Variants in UNC5C observed in about 807,000 individuals in gnomAD.
UNC5C encodes the protein netrin receptor UNC5C.
UNC5C carries 47 observed loss-of-function variants against 99.8 expected under a neutral mutation model. The observed-to-expected ratio is 0.47, with a 90% CI of 0.37 to 0.60. UNC5C has a LOEUF of 0.60. Ranked by LOEUF, UNC5C falls within the 20% of genes least tolerant of loss-of-function variation. The pLI is 0.00. For missense variants in UNC5C, 1,062 were observed against 1,165.9 expected (o/e 0.91, Z 1.30); for synonymous variants, 487 against 452.2 (o/e 1.08, Z -0.98).
chr4:95,378,722 G>C (rs1339424691), intron 1 of UNC5C, among the ~76,000 whole-genome samples: 1 of 151,976 alleles, frequency 6.6e-6, no homozygotes, highest in African/African-American at 2.4e-5. Flanking sequence ...GCAAGCATGT[G>C]GTTTTAAAAT....
chr4:95,496,184 G>T (rs1341426639), intron 1 of UNC5C, among the ~76,000 whole-genome samples: 1 of 151,764 alleles, frequency 6.6e-6, no homozygotes, highest in Non-Finnish European at 1.5e-5. Context: ...TGTTCTGACA[G>T]TGTATATAGT....
chr4:95,318,384 G>A (rs1742558634), intron 2 of UNC5C, among the ~76,000 whole-genome samples: 1 of 152,072 alleles, frequency 6.6e-6, no homozygotes, highest in Non-Finnish European at 1.5e-5. Flanking sequence ...CAGCTCTGCT[G>A]GATTTCAGAC....
intron 1 of UNC5C, among the ~76,000 whole-genome samples, chr4:95,474,536 C>T (rs192352134): frequency 6.6e-6 from 1 of 152,028 alleles, no homozygotes; most frequent in East Asian, 1.9e-4. Flanking sequence ...GTGATCTACG[C>T]CTCGGCCTCC....
intron 1 of UNC5C, among the ~76,000 whole-genome samples, chr4:95,447,532 A>T (rs1747140921): frequency 6.6e-6 from 1 of 152,116 alleles, no homozygotes; most frequent in Admixed American, 6.5e-5. Flanking sequence ...ACGAAGTCTC[A>T]CTCTGTCACC....
chr4:95,236,446 G>C (rs1235099356), intron 7 of UNC5C, among the ~76,000 whole-genome samples: 6 of 143,720 alleles, frequency 4.2e-5, no homozygotes, highest in African/African-American at 1.5e-4. Context: ...AGTTGGGGGA[G>C]GGGGGAGGGA....
At chr4:95,197,077 ATT>A (rs1323084230) in intron 12 of UNC5C, among the ~76,000 whole-genome samples, 6 of 118,696 alleles carry the variant, frequency 5.1e-5, no homozygotes, top group African/African-American at 2.1e-4. Context: ...TTTATATTAT[ATT>A]TATGTAATAT....
At chr4:95,293,656 A>T (rs1273295103) in intron 3 of UNC5C, among the ~76,000 whole-genome samples, 1 of 152,040 alleles carries the variant, frequency 6.6e-6, no homozygotes, top group East Asian at 1.9e-4. Context: ...TGTTTTTGTG[A>T]ATTGCCAGCT....
chr4:95,433,877 T>G (rs1182579033), intron 1 of UNC5C, among the ~76,000 whole-genome samples: 2 of 152,018 alleles, frequency 1.3e-5, no homozygotes, highest in African/African-American at 4.8e-5. Flanking sequence ...GCCTTCTCTC[T>G]TTTTCTCACA....
intron 1 of UNC5C, among the ~76,000 whole-genome samples, chr4:95,342,728 G>A (rs747540017): frequency 1.3e-5 from 2 of 152,010 alleles, no homozygotes; most frequent in African/African-American, 2.4e-5. Context: ...AATCCCTTGA[G>A]GTTCCCAATT....
chr4:95,251,738 CTCTAGCA>C (rs1739743798), intron 4 of UNC5C, among the ~76,000 whole-genome samples: 1 of 152,186 alleles, frequency 6.6e-6, no homozygotes, highest in South Asian at 2.1e-4. Context: ...TAAGGAGCTA[CTCTAGCA>C]CCACAAGACG....
chr4:95,432,537 G>T (rs1267797093), intron 1 of UNC5C, among the ~76,000 whole-genome samples: 2 of 151,964 alleles, frequency 1.3e-5, no homozygotes, highest in African/African-American at 4.8e-5. Context: ...ATGAGCAAGT[G>T]ACAATTTACA....
chr4:95,284,453 T>C (rs987486304), intron 3 of UNC5C, among the ~76,000 whole-genome samples: 7 of 152,154 alleles, frequency 4.6e-5, no homozygotes, highest in Admixed American at 3.9e-4. Context: ...AGAGAAATAA[T>C]AGAAGAAATT....
intron 1 of UNC5C, among the ~76,000 whole-genome samples, chr4:95,343,952 G>T (rs1369985938): frequency 6.6e-6 from 1 of 152,054 alleles, no homozygotes; most frequent in Non-Finnish European, 1.5e-5. Flanking sequence ...CTAGCAAATA[G>T]CCTCAAAGGG....
At position 95,245,110 on chromosome 4, in the gene UNC5C, A is replaced by C; in HGVS notation, c.810T>G (p.Ser270=). The part of the protein sequence containing the change: ...NGGWSTWTEW[S]VCNSRCGRGY... ...CTCGTCCACAGCGGCTGTTACACAC[A>C]GACCACTCCGTCCAGGTGGACCAGC... is the stretch of plus-strand genomic sequence containing the variant. Residue 270 remains serine, a synonymous_variant, in exon 6 of 16, where the codon TCT becomes TCG. Transcript: ENST00000453304. 1 of 1,613,594 alleles carries C rather than the reference A, an allele frequency of 6.2e-7. No individual in the cohort carries two copies. Among genetic ancestry groups the C allele is most frequent in the Non-Finnish European group, 8.5e-7 (1 of 1,179,862 alleles).
At chr4:95,350,416 G>T (rs536695753) in intron 1 of UNC5C, among the ~76,000 whole-genome samples, 5 of 152,004 alleles carry the variant, frequency 3.3e-5, no homozygotes, top group Non-Finnish European at 7.4e-5. Flanking sequence ...GAACCCTTGA[G>T]GGGGAGGTTG....
intron 1 of UNC5C, among the ~76,000 whole-genome samples, chr4:95,441,661 G>GAT (rs1219948495): frequency 5.9e-5 from 9 of 151,950 alleles, no homozygotes; most frequent in African/African-American, 2.2e-4. Context: ...TATATACATA[G>GAT]ACACATAATA....
intron 4 of UNC5C, among the ~76,000 whole-genome samples, chr4:95,259,817 G>C (rs1740154634): frequency 6.6e-6 from 1 of 152,020 alleles, no homozygotes; most frequent in Non-Finnish European, 1.5e-5. Context: ...ATAAATGATA[G>C]GCAATTTATA....
chr4:95,182,743 C>T lies in UNC5C; in HGVS notation c.2451+154G>A, dbSNP rs995733245. On this transcript the variant is annotated intron_variant, in intron 14 of 15. Transcript: ENST00000453304. ...TTTTCTGCAGCTAGCTTCCATTGCT[C>T]ATTACAAATATTATTCTATTAACAA... 3.9e-5 allele frequency among the ~76,000 whole-genome samples: 6 copies of T among 152,132 alleles called. No individual in the cohort carries two copies. The East Asian group carries it at 9.7e-4, about 24-fold the overall frequency.
At chr4:95,261,608 G>A (rs1343298751) in intron 4 of UNC5C, among the ~76,000 whole-genome samples, 1 of 152,050 alleles carries the variant, frequency 6.6e-6, no homozygotes, top group Non-Finnish European at 1.5e-5. Context: ...AGATAGGGCT[G>A]GATTCAAGTA....
Sources: gnomAD v4.1 joint callset for allele counts (sites outside exome capture counted in the v4.1 genomes callset) on GRCh38, gnomAD v4.1.1 for gene constraint, MANE v1.5 for transcripts, NCBI Gene and HGNC (gene_info 2026-07-23, HGNC 2026-07-21) for gene names.